The following DCDC2C variants were observed in gnomAD, a reference collection of about 807,000 sequenced individuals.
The protein encoded by DCDC2C is doublecortin domain-containing protein 2C.
In DCDC2C, 44 loss-of-function variants were observed where a neutral mutation model predicts 45.0. The ratio of observed to expected loss-of-function variants is 0.98; its 90% CI spans 0.77 to 1.26. DCDC2C has a LOEUF of 1.26. Ranked by LOEUF, DCDC2C falls within the 50% of genes most tolerant of loss-of-function variation. The pLI is 0.00. For synonymous variants in DCDC2C, 187 were observed against 178.8 expected, an observed-to-expected ratio of 1.05 and a Z score of -0.37; for missense variants, 447 against 468.9, an observed-to-expected ratio of 0.95 and a Z score of 0.43.
chr2:3,746,297 G>T (rs1669359506), intron 4 of DCDC2C, among the ~76,000 whole-genome samples: 1 of 152,146 alleles, frequency 6.6e-6, no homozygotes, highest in Non-Finnish European at 1.5e-5. Context: ...AGGAGCTGGG[G>T]CAGGAGGGCA....
At chr2:3,749,077 A>G (rs1669459252) in intron 4 of DCDC2C, among the ~76,000 whole-genome samples, 1 of 152,186 alleles carries the variant, frequency 6.6e-6, no homozygotes, top group South Asian at 2.1e-4. Context: ...TTATTTTGGG[A>G]AAACAGCCAA....
At chr2:3,802,174 A>G (rs942867673) in intron 10 of DCDC2C, among the ~76,000 whole-genome samples, 11 of 152,254 alleles carry the variant, frequency 7.2e-5, no homozygotes, top group Non-Finnish European at 1.0e-4. Flanking sequence ...TTCTCCAAAT[A>G]AACTGCTGCC....
At chr2:3,735,675 G>A (rs1045312934) in intron 3 of DCDC2C, among the ~76,000 whole-genome samples, 32 of 152,132 alleles carry the variant, frequency 2.1e-4, no homozygotes, top group Admixed American at 1.6e-3. Flanking sequence ...AAGGTGACAA[G>A]CCCGGGGAAT....
At chr2:3,768,802 G>C (rs1437861927) in intron 7 of DCDC2C, among the ~76,000 whole-genome samples, 2 of 152,192 alleles carry the variant, frequency 1.3e-5, no homozygotes, top group Non-Finnish European at 2.9e-5. Flanking sequence ...TTGAACTCTT[G>C]ACCTCAAATG....
chr2:3,762,070 G>T (rs1236445899), intron 6 of DCDC2C, among the ~76,000 whole-genome samples: 3 of 151,732 alleles, frequency 2.0e-5, no homozygotes, highest in Admixed American at 6.6e-5. Context: ...GACTTGAGAC[G>T]GAGAGAAATA....
chr2:3,847,342 T>C lies in DCDC2C; in HGVS notation c.*159T>C. On this transcript the variant is annotated 3_prime_UTR_variant, in exon 11 of 11. Transcript: ENST00000399143. ...GAAAGCCAAAGACGAGGTTTCATAA[T>C]TGAGCTCCATTTCTTCTTATTCCCT... The C allele has an allele frequency of 2.4e-6, 1 of 413,120 alleles. No homozygotes were observed. Among genetic ancestry groups the C allele is most frequent in the East Asian group, 3.6e-5 (1 of 27,784 alleles). The allele number at this position is 413,120 out of a possible 1,614,324, so 25.6% of individuals were successfully genotyped here. A position where few individuals can be genotyped will look rare whatever the true frequency, so the allele number is the denominator to read the frequency against.
intron 1 of DCDC2C, among the ~76,000 whole-genome samples, chr2:3,704,820 A>C (rs12989114): frequency 6.6e-6 from 1 of 151,226 alleles, no homozygotes; most frequent in Non-Finnish European, 1.5e-5. Context: ...CTCTGTGTCC[A>C]TCACTTGGTC....
At chr2:3,841,195 C>T (rs1672205516) in intron 10 of DCDC2C, among the ~76,000 whole-genome samples, 2 of 152,110 alleles carry the variant, frequency 1.3e-5, no homozygotes, top group South Asian at 2.1e-4. Flanking sequence ...TTTAGACACA[C>T]ATGAGTATCC....
chr2:3,790,440 A>C (rs1003317017), intron 10 of DCDC2C, among the ~76,000 whole-genome samples: 2 of 152,198 alleles, frequency 1.3e-5, no homozygotes, highest in Non-Finnish European at 2.9e-5. Flanking sequence ...ATGCATCCAC[A>C]GATCCATAAC....
At position 3,813,059 on chromosome 2, in the gene DCDC2C, ATATATATATTTTT is replaced by A. The variant is rs1280292007; in HGVS notation, c.1065+27961_1065+27973del. Among the ~76,000 whole-genome samples, 125 of 47,810 alleles carry A rather than the reference ATATATATATTTTT, an allele frequency of 2.6e-3. 3 individuals are homozygous for A. Among genetic ancestry groups the A allele is most frequent in the African/African-American group, 0.017 (123 of 7,378 alleles). The allele number at this position is 47,810 out of a possible 152,430, so 31.4% of individuals were successfully genotyped here. A position where few individuals can be genotyped will look rare whatever the true frequency, so the allele number is the denominator to read the frequency against. On this transcript the variant is annotated intron_variant, in intron 10 of 10. Coordinates refer to ENST00000399143, the MANE Select transcript of DCDC2C (RefSeq NM_001287444.2). ...AGAACGTATATATATATATATATAT[ATATATATATTTTT>A]TTTTTTTTGCTGTTTTTGAGATGGA...
intron 2 of DCDC2C, among the ~76,000 whole-genome samples, chr2:3,717,451 A>C (rs1193262407): frequency 1.3e-5 from 2 of 151,922 alleles, no homozygotes; most frequent in African/African-American, 4.8e-5. Context: ...AAACGCCCCC[A>C]GTCCCTCCCT....
chr2:3,713,481 T>G (rs1668273027), intron 2 of DCDC2C, among the ~76,000 whole-genome samples: 1 of 152,154 alleles, frequency 6.6e-6, no homozygotes, highest in South Asian at 2.1e-4. Context: ...TGAGAACAGC[T>G]GCATCCCGGG....
At chr2:3,810,356 T>A (rs1671364575) in intron 10 of DCDC2C, among the ~76,000 whole-genome samples, 1 of 152,224 alleles carries the variant, frequency 6.6e-6, no homozygotes, top group Non-Finnish European at 1.5e-5. Flanking sequence ...GATGTTGAAC[T>A]TTTTTCATGT....
At chr2:3,799,885 A>G (rs182312651) in intron 10 of DCDC2C, among the ~76,000 whole-genome samples, 7,123 of 150,546 alleles carry the variant, frequency 0.047, 181 homozygotes, top group Non-Finnish European at 0.054. Context: ...TTGAGCTGTG[A>G]TGGGCTCCAC....
chr2:3,755,581 A>C (rs1407868780), intron 6 of DCDC2C, among the ~76,000 whole-genome samples: 4 of 151,772 alleles, frequency 2.6e-5, no homozygotes, highest in African/African-American at 9.7e-5. Context: ...GTGTGTGTAC[A>C]TATGGATGTA....
rs889141061 is a variant in DCDC2C, at chr2:3,767,886, G to A, written c.853+6G>A. On this transcript the variant is annotated splice_donor_region_variant and intron_variant, in intron 7 of 10. Transcript: ENST00000399143. ...TTTAGTCCAAAGGGGTGCAGGTGAC[G>A]TGCAGTTTCATTCTGCTGTAGGCAG... 9.3e-6 allele frequency: 14 copies of A among 1,502,448 alleles called. No individual in the cohort carries two copies. The East Asian group carries it at 1.0e-4, about 11-fold the overall frequency. 93.1% of individuals were successfully genotyped at this position (1,502,448 alleles called of 1,614,324 possible).
intron 2 of DCDC2C, among the ~76,000 whole-genome samples, chr2:3,726,184 A>G (rs1668679699): frequency 6.6e-6 from 1 of 152,016 alleles, no homozygotes; most frequent in Non-Finnish European, 1.5e-5. Context: ...GGATATAGAG[A>G]TGGAACGTGG....
chr2:3,821,067 A>G (rs1671677357), intron 10 of DCDC2C, among the ~76,000 whole-genome samples: 1 of 152,072 alleles, frequency 6.6e-6, no homozygotes, highest in South Asian at 2.1e-4. Context: ...AAAGGGAGAT[A>G]GGGATGGGGC....
chr2:3,780,451 A>G (rs77323060), intron 9 of DCDC2C, among the ~76,000 whole-genome samples: 4,205 of 152,266 alleles, frequency 0.028, 166 homozygotes, highest in East Asian at 0.19. Flanking sequence ...TGACTTGATA[A>G]CAGCCAGTAG....
Sources: gnomAD v4.1 joint callset for allele counts (sites outside exome capture counted in the v4.1 genomes callset) on GRCh38, gnomAD v4.1.1 for gene constraint, MANE v1.5 for transcripts, NCBI Gene and HGNC (gene_info 2026-07-23, HGNC 2026-07-21) for gene names.